Variants in ANKAR observed in about 807,000 individuals in gnomAD.
ANKAR encodes ankyrin and armadillo repeat containing, also known as ankyrin and armadillo repeat-containing protein.
Under a neutral mutation model 146.2 loss-of-function variants are expected in ANKAR, and 136 were observed. The observed-to-expected ratio is 0.93, with a 90% CI of 0.81 to 1.07. ANKAR has a LOEUF of 1.07. ANKAR is among the 50% of genes least tolerant of loss of function. The pLI is 0.00. For missense variants in ANKAR, 1,567 were observed against 1,679.9 expected, an observed-to-expected ratio of 0.93 and a Z score of 1.18; for synonymous variants, 500 against 575.8, an observed-to-expected ratio of 0.87 and a Z score of 1.88.
At chr2:189,714,745 G>C (rs527981474) in intron 10 of ANKAR, among the ~76,000 whole-genome samples, 19 of 152,076 alleles carry the variant, frequency 1.2e-4, no homozygotes, top group Admixed American at 5.9e-4. Context: ...AGGAGATGGA[G>C]ACAATCCTGG....
intron 2 of ANKAR, 147 bp from the exon 3 acceptor site, chr2:189,689,380 A>G: frequency 1.4e-6 from 1 of 690,232 alleles, no homozygotes; most frequent in Non-Finnish European, 2.3e-6. Context: ...GCTTAGAATT[A>G]TATATTTGGT....
At chr2:189,699,416 G>C (rs1473201766) in intron 7 of ANKAR, among the ~76,000 whole-genome samples, 1 of 152,052 alleles carries the variant, frequency 6.6e-6, no homozygotes, top group Non-Finnish European at 1.5e-5. Flanking sequence ...TTGCCCTAGA[G>C]TTTACCACAT....
intron 10 of ANKAR, among the ~76,000 whole-genome samples, chr2:189,714,519 A>C (rs866502307): frequency 1.2e-4 from 19 of 152,356 alleles, no homozygotes; most frequent in African/African-American, 3.8e-4. Context: ...CTACTGGGTA[A>C]ATAACGAAAT....
At chr2:189,687,079 T>C (rs538885121) in intron 2 of ANKAR, among the ~76,000 whole-genome samples, 12 of 152,316 alleles carry the variant, frequency 7.9e-5, no homozygotes, top group African/African-American at 2.6e-4. Context: ...TATCTAACTA[T>C]ATTTTTGTAT....
chr2:189,743,768 G>T (rs1307595416), intron 21 of ANKAR, among the ~76,000 whole-genome samples: 1 of 152,308 alleles, frequency 6.6e-6, no homozygotes, highest in Middle Eastern at 3.4e-3. Context: ...TCTGATTCAA[G>T]AAGTCACTTT....
At chr2:189,754,500 C>G in intron 18 of ANKAR, 1 of 669,322 alleles carries the variant, frequency 1.5e-6, no homozygotes, top group Non-Finnish European at 2.5e-6. Context: ...AGCTGATATT[C>G]AGGTAAGCAG....
At chr2:189,727,777 G>T in intron 12 of ANKAR, 79 bp from the exon 13 acceptor site, 11 of 1,450,818 alleles carry the variant, frequency 7.6e-6, no homozygotes, top group South Asian at 4.3e-5. Flanking sequence ...TTATAATATG[G>T]GAAACTAATG....
chr2:189,711,219 C>A lies in ANKAR; in HGVS notation c.2224+66C>A. The A allele has an allele frequency of 2.5e-6, 3 of 1,192,864 alleles. No individual in the cohort carries two copies. The South Asian group carries it at 5.0e-5, about 20-fold the overall frequency. 73.9% of individuals were successfully genotyped at this position (1,192,864 alleles called of 1,614,324 possible). A position where few individuals can be genotyped will look rare whatever the true frequency, so the allele number is the denominator to read the frequency against. The stretch of plus-strand genomic sequence containing the variant: ...GTAGAGCTATATTTTATTCATCAGT[C>A]ATTTTTAAATATATTTTTAATTGTA... On this transcript the variant is annotated intron_variant, in intron 10 of 22. Transcript: ENST00000684021.
intron 22 of ANKAR, among the ~76,000 whole-genome samples, chr2:189,745,322 T>C (rs1427500234): frequency 6.6e-6 from 1 of 152,174 alleles, no homozygotes; most frequent in Admixed American, 6.5e-5. Flanking sequence ...TTCCCTATTA[T>C]ATCACTTGAA....
chr2:189,741,341 G>A lies in ANKAR; in HGVS notation c.3701-1G>A, dbSNP rs2043313678. ...AAGCATTTTTCTTGTTTAATTTATA[G>A]GGAATTTAATAGCAAGCCTGGCTCA... is the stretch of plus-strand genomic sequence containing the variant. On this transcript the variant is annotated splice_acceptor_variant, in intron 19 of 22. Coordinates refer to ENST00000684021, the MANE Select transcript of ANKAR (RefSeq NM_001378068.1). LOFTEE classifies it high-confidence loss of function. 1.3e-6 allele frequency: 2 copies of A among 1,583,622 alleles called. No homozygotes were observed. The highest frequency in any genetic ancestry group is 1.4e-5 in the African/African-American group (1 of 73,248).
chr2:189,722,291 A>G (rs1487223048), intron 12 of ANKAR, among the ~76,000 whole-genome samples: 1 of 148,726 alleles, frequency 6.7e-6, no homozygotes, highest in African/African-American at 2.5e-5. Flanking sequence ...GTGGGCTGAG[A>G]TTGTACCACT....
intron 22 of ANKAR, among the ~76,000 whole-genome samples, chr2:189,745,070 A>C (rs2043951573): frequency 8.0e-6 from 1 of 125,618 alleles, no homozygotes; most frequent in Non-Finnish European, 1.7e-5. Flanking sequence ...GCGTGCCTGT[A>C]ATCCCAGCTA....
Position 189,677,094 on chromosome 2 carries a change from A to G in ANKAR, c.601+3A>G. On this transcript the variant is annotated splice_donor_region_variant and intron_variant, in intron 2 of 22. Coordinates refer to ENST00000684021, the MANE Select transcript of ANKAR (RefSeq NM_001378068.1). ...TTTTTCAGAGTTTAGTTCAGCAGGT[A>G]AGAGAATTTAACACTTCTTAAATTT... The G allele has an allele frequency of 6.6e-7, 1 of 1,510,078 alleles. No homozygotes were observed. Among genetic ancestry groups the G allele is most frequent in the Non-Finnish European group, 8.8e-7 (1 of 1,138,524 alleles). 93.5% of individuals were successfully genotyped at this position (1,510,078 alleles called of 1,614,324 possible).
chr2:189,681,587 A>T (rs1291235129), intron 2 of ANKAR, among the ~76,000 whole-genome samples: 2 of 152,210 alleles, frequency 1.3e-5, no homozygotes, highest in African/African-American at 4.8e-5. Context: ...TTCAGGGTTG[A>T]TACTCAAAAC....
At chr2:189,707,954 C>T (rs895334113) in intron 9 of ANKAR, among the ~76,000 whole-genome samples, 17 of 152,084 alleles carry the variant, frequency 1.1e-4, no homozygotes, top group African/African-American at 2.4e-4. Flanking sequence ...TGACAGTGCC[C>T]GTTAGGAGTG....
intron 16 of ANKAR, among the ~76,000 whole-genome samples, chr2:189,732,253 A>G (rs1471697755): frequency 1.3e-5 from 2 of 152,310 alleles, no homozygotes; most frequent in Non-Finnish European, 1.5e-5. Context: ...AATAATATGC[A>G]AAGTTCATTT....
At chr2:189,753,977 G>A in intron 18 of ANKAR, 4 of 1,613,786 alleles carry the variant, frequency 2.5e-6, no homozygotes, top group Non-Finnish European at 3.4e-6. Context: ...AGCCCGATGT[G>A]TTCTTTTCAC....
rs61101787 is a variant in ANKAR, at chr2:189,729,715, T to TGTGTGTGTGTGTGTGTGG, written c.3194-779_3194-778insTGTGTGTGTGTGTGTGGG. Among the ~76,000 whole-genome samples the TGTGTGTGTGTGTGTGTGG allele has an allele frequency of 4.3e-3, 608 of 141,402 alleles. 4 individuals carry two copies. Among genetic ancestry groups the TGTGTGTGTGTGTGTGTGG allele is most frequent in the African/African-American group, 0.013 (511 of 39,834 alleles). The allele number at this position is 141,402 out of a possible 152,430, so 92.8% of individuals were successfully genotyped here. ...CTGTGCGTGTGTGTGTGTGTGTGTGTGGTGCGGGTGGGGGGTTTGTGGGGA... is the reference window on the plus strand; with the variant it reads ...CTGTGCGTGTGTGTGTGTGTGTGTGTGTGTGTGTGTGTGTGTGGGGTGCGGGTGGGGGGTTTGTGGGGA... On this transcript the variant is annotated intron_variant, in intron 15 of 22. Coordinates refer to ENST00000684021, the MANE Select transcript of ANKAR (RefSeq NM_001378068.1).
At chr2:189,759,999 G>T (rs544835421) in intron 18 of ANKAR, among the ~76,000 whole-genome samples, 4 of 152,202 alleles carry the variant, frequency 2.6e-5, no homozygotes, top group Non-Finnish European at 5.9e-5. Flanking sequence ...GTCTAACAAA[G>T]CACATCTTGC....
Sources: allele counts gnomAD v4.1 joint callset (sites outside exome capture counted in the v4.1 genomes callset), GRCh38; gene constraint gnomAD v4.1.1; transcripts MANE v1.5; gene names NCBI Gene and HGNC (gene_info 2026-07-23, HGNC 2026-07-21).